The following PIK3C2G variants were observed in gnomAD, a reference collection of about 807,000 sequenced individuals.
The protein encoded by PIK3C2G is phosphatidylinositol-4-phosphate 3-kinase catalytic subunit type 2 gamma.
PIK3C2G carries 168 observed loss-of-function variants against 181.1 expected under a neutral mutation model. The ratio of observed to expected loss-of-function variants is 0.93; its 90% CI spans 0.82 to 1.05. PIK3C2G has a LOEUF of 1.05. PIK3C2G is among the 50% of genes least tolerant of loss of function. The pLI, the probability that PIK3C2G is intolerant of heterozygous loss-of-function variation, is 0.00. For missense variants in PIK3C2G, 1,869 were observed against 1,732.8 expected, an observed-to-expected ratio of 1.08 and a Z score of -1.40; for synonymous variants, 573 against 592.2, an observed-to-expected ratio of 0.97 and a Z score of 0.47.
At chr12:18,244,152 T>A (rs1948015116), upstream of PIK3C2G, among the ~76,000 whole-genome samples, 1 of 151,958 alleles carries the variant, frequency 6.6e-6, no homozygotes. Context: ...GCAAAATAAT[T>A]TTATTCACTA....
chr12:18,713,827 T>C, the PIK3C2G span: 1 of 152,180 alleles, frequency 6.6e-6, no homozygotes, highest in Non-Finnish European at 1.5e-5. Context: ...TTTTTCTACC[T>C]AAAAAATAAA....
At chr12:18,247,418 G>A (rs867232364), upstream of PIK3C2G, among the ~76,000 whole-genome samples, 7 of 152,140 alleles carry the variant, frequency 4.6e-5, no homozygotes, top group Non-Finnish European at 7.4e-5. Flanking sequence ...CACACCAAGA[G>A]TTTAGGAGTG....
At chr12:18,624,577 C>T (rs1242996474) in intron 31 of PIK3C2G, among the ~76,000 whole-genome samples, 1 of 151,538 alleles carries the variant, frequency 6.6e-6, no homozygotes, top group Non-Finnish European at 1.5e-5. Context: ...GTATTTCTTC[C>T]TCATCAATTT....
intron 18 of PIK3C2G, among the ~76,000 whole-genome samples, chr12:18,456,217 T>C (rs1947618625): frequency 6.6e-6 from 1 of 152,132 alleles, no homozygotes; most frequent in African/African-American, 2.4e-5. Flanking sequence ...GCAACATCGT[T>C]TGTCTGGGGT....
At chr12:18,422,204 C>A (rs1945526205) in intron 17 of PIK3C2G, among the ~76,000 whole-genome samples, 1 of 151,972 alleles carries the variant, frequency 6.6e-6, no homozygotes, top group Non-Finnish European at 1.5e-5. Context: ...TGCACACAAT[C>A]TAACACAGCA....
intron 32 of PIK3C2G, among the ~76,000 whole-genome samples, chr12:18,644,254 T>A (rs998203360): frequency 2.0e-5 from 3 of 152,006 alleles, no homozygotes; most frequent in South Asian, 2.1e-4. Context: ...GGTCTGGGGC[T>A]GGGGGTGTGA....
chr12:18,253,092 G>C (rs1280157728), intron 1 of PIK3C2G, among the ~76,000 whole-genome samples: 1 of 152,058 alleles, frequency 6.6e-6, no homozygotes, highest in Non-Finnish European at 1.5e-5. Context: ...GCGTCTCACT[G>C]TGTATAAATT....
At chr12:18,513,263 T>G (rs2136149830) in intron 24 of PIK3C2G, among the ~76,000 whole-genome samples, 1 of 152,012 alleles carries the variant, frequency 6.6e-6, no homozygotes, top group Admixed American at 6.6e-5. Context: ...TTTTCTTTTC[T>G]TGTAGTGTGC....
chr12:18,467,733 A>T (rs1248014191), intron 18 of PIK3C2G, among the ~76,000 whole-genome samples: 1 of 151,918 alleles, frequency 6.6e-6, no homozygotes, highest in African/African-American at 2.4e-5. Flanking sequence ...TGGCCCACCT[A>T]AGTTCAGCTC....
chr12:18,487,096 T>TTTTGTGTGTGTGTGTGTG (rs71440368), intron 18 of PIK3C2G, among the ~76,000 whole-genome samples: 2 of 142,106 alleles, frequency 1.4e-5, no homozygotes, highest in African/African-American at 5.3e-5. Context: ...TTGAGGTATT[T>TTTTGTGTGTGTGTGTGTG]TGTGTGTGTG....
intron 18 of PIK3C2G, among the ~76,000 whole-genome samples, chr12:18,432,451 C>T (rs183667912): frequency 6.6e-6 from 1 of 152,292 alleles, no homozygotes; most frequent in African/African-American, 2.4e-5. Context: ...CATCCAATTA[C>T]ATCACTGCTT....
chr12:18,614,109 G>T (rs1392588263), intron 31 of PIK3C2G, among the ~76,000 whole-genome samples: 1 of 151,838 alleles, frequency 6.6e-6, no homozygotes, highest in Non-Finnish European at 1.5e-5. Flanking sequence ...CTAAATAAAT[G>T]TCAATTTTTA....
intron 12 of PIK3C2G, among the ~76,000 whole-genome samples, chr12:18,366,956 T>C (rs1809308039): frequency 6.6e-6 from 1 of 152,176 alleles, no homozygotes; most frequent in African/African-American, 2.4e-5. Flanking sequence ...TAAAGGAATT[T>C]ATTTTTCTTA....
At chr12:18,670,270 A>G in the PIK3C2G span, among the ~76,000 whole-genome samples, 14 of 152,102 alleles carry the variant, frequency 9.2e-5, no homozygotes, top group Admixed American at 7.2e-4. Context: ...TTTCTCCACA[A>G]TTACAGAAAT....
At chr12:18,243,107 A>C (rs182300298), upstream of PIK3C2G, among the ~76,000 whole-genome samples, 47 of 152,236 alleles carry the variant, frequency 3.1e-4, no homozygotes, top group Admixed American at 2.6e-3. Flanking sequence ...AGTTTTCAAC[A>C]TCAAGATTAT....
At chr12:18,460,000 A>G (rs61914364) in intron 18 of PIK3C2G, among the ~76,000 whole-genome samples, 22,317 of 152,170 alleles carry the variant, frequency 0.15, 1,811 homozygotes, top group African/African-American at 0.21. Flanking sequence ...CCTGACCTCA[A>G]GTAAGATGCC....
At chr12:18,388,576 G>A (rs80133253) in intron 14 of PIK3C2G, among the ~76,000 whole-genome samples, 212 of 152,244 alleles carry the variant, frequency 1.4e-3, no homozygotes, top group Middle Eastern at 6.8e-3. Flanking sequence ...TGCCCAGCAC[G>A]TGTGTCTTAT....
intron 18 of PIK3C2G, among the ~76,000 whole-genome samples, chr12:18,476,072 G>A (rs937063976): frequency 2.0e-5 from 3 of 152,006 alleles, no homozygotes; most frequent in African/African-American, 4.8e-5. Flanking sequence ...ACTAAAACAC[G>A]ATTTTTAAAA....
chr12:18,685,470 G>A, the PIK3C2G span: 1 of 216,912 alleles, frequency 4.6e-6, no homozygotes, highest in Admixed American at 4.5e-5. Flanking sequence ...TATGTCAATA[G>A]TTTTTGTTCT....
Sources: gnomAD v4.1 joint callset for allele counts (sites outside exome capture counted in the v4.1 genomes callset) on GRCh38, gnomAD v4.1.1 for gene constraint, MANE v1.5 for transcripts, NCBI Gene and HGNC (gene_info 2026-07-23, HGNC 2026-07-21) for gene names.